Variants in PIK3R6 observed in about 807,000 individuals in gnomAD.
PIK3R6 encodes phosphoinositide-3-kinase regulatory subunit 6, also known as phosphoinositide 3-kinase regulatory subunit 6.
PIK3R6 carries 91 observed loss-of-function variants against 84.9 expected under a neutral mutation model. That is an observed-to-expected ratio of 1.07 (90% confidence interval 0.90 to 1.28). The LOEUF is 1.28. PIK3R6 is among the 50% of genes most tolerant of loss of function. The probability of loss-of-function intolerance (pLI) is 0.00; values close to 1 mark genes in which losing one functional copy is unlikely to be tolerated. For synonymous variants in PIK3R6, 416 were observed against 411.4 expected, an observed-to-expected ratio of 1.01 and a Z score of -0.13; for missense variants, 996 against 985.1, an observed-to-expected ratio of 1.01 and a Z score of -0.15.
rs540450998 is a variant in PIK3R6 at position 8,807,250 on chromosome 17, C to T, written c.1996-3097G>A. 1.4e-4 allele frequency among the ~76,000 whole-genome samples: 21 copies of T among 152,278 alleles called. 1 individual carries two copies. The highest frequency in any genetic ancestry group is 8.3e-4 in the South Asian group (4 of 4,828). On this transcript the variant is annotated intron_variant, in intron 18 of 19. Coordinates refer to ENST00000619866, the MANE Select transcript of PIK3R6 (RefSeq NM_001010855.4). Reference sequence around the variant, plus strand: ...CTCAGAAAGCGTCAGCTTCCAGTTCCGGCTTGAGATCTAGGATGAGGTGGA... The same window carrying T: ...CTCAGAAAGCGTCAGCTTCCAGTTCTGGCTTGAGATCTAGGATGAGGTGGA...
intron 17 of PIK3R6, among the ~76,000 whole-genome samples, chr17:8,819,831 T>C (rs920646931): frequency 3.4e-5 from 5 of 146,232 alleles, no homozygotes; most frequent in South Asian, 2.1e-4. Context: ...TATACGTATA[T>C]ACACACACAT....
At chr17:8,863,937 G>A (rs2089342752) in intron 1 of PIK3R6, among the ~76,000 whole-genome samples, 1 of 152,178 alleles carries the variant, frequency 6.6e-6, no homozygotes, top group Admixed American at 6.5e-5. Context: ...CAGGAAGAAC[G>A]CTCTAAGCAA....
chr17:8,849,503 TTAAA>T (rs2088891201), intron 2 of PIK3R6, among the ~76,000 whole-genome samples: 2 of 152,384 alleles, frequency 1.3e-5, no homozygotes, highest in African/African-American at 4.8e-5. Flanking sequence ...TAGGTTTTTG[TTAAA>T]TAGTCACAAG....
rs374515654 is a variant in PIK3R6 at position 8,838,611 on chromosome 17, C to T, written c.142G>A (p.Gly48Ser). 2.8e-4 allele frequency: 447 copies of T among 1,607,312 alleles called. 2 individuals are homozygous for T. The highest frequency in any genetic ancestry group is 3.4e-4 in the Non-Finnish European group (402 of 1,176,946). ...ATGCGGACCAGCACTGGGCTCTTAC[C>T]GGGATCTCGCTCGACCTTCTTGTGC... ...SLHKKVERDP[G>S]KSPVLVRILL... Residue 48 changes from glycine to serine, a missense_variant, in exon 4 of 20, where the codon GGT becomes AGT. Coordinates refer to ENST00000619866, the MANE Select transcript of PIK3R6 (RefSeq NM_001010855.4).
intron 17 of PIK3R6, among the ~76,000 whole-genome samples, chr17:8,820,466 T>G (rs1024145275): frequency 6.6e-6 from 1 of 151,788 alleles, no homozygotes; most frequent in African/African-American, 2.4e-5. Context: ...TAAGGTCACA[T>G]AGATAGTCAG....
chr17:8,838,561 C>T lies in PIK3R6; in HGVS notation c.189+3G>A, dbSNP rs914322341. ...TCTTCCTCCCTGAGGTCCAGGAACTCACCTTCTCCAGTTCTCTGAGAAGAA... is the reference window on the plus strand; with the variant it reads ...TCTTCCTCCCTGAGGTCCAGGAACTTACCTTCTCCAGTTCTCTGAGAAGAA... On this transcript the variant is annotated splice_donor_region_variant and intron_variant, in intron 4 of 19. Transcript: ENST00000619866. 1 of 1,593,954 alleles carries T rather than the reference C, an allele frequency of 6.3e-7. No individual in the cohort carries two copies. Among genetic ancestry groups the T allele is most frequent in the African/African-American group, 1.3e-5 (1 of 74,536 alleles).
intron 18 of PIK3R6, among the ~76,000 whole-genome samples, chr17:8,808,837 TAGTC>T (rs1183118344): frequency 2.0e-5 from 3 of 152,150 alleles, no homozygotes; most frequent in African/African-American, 7.2e-5. Flanking sequence ...CAACAAGTAA[TAGTC>T]AGGCATGTAG....
intron 17 of PIK3R6, among the ~76,000 whole-genome samples, chr17:8,819,959 T>A (rs865994196): frequency 0.02 from 1,647 of 81,526 alleles, 43 homozygotes; most frequent in African/African-American, 0.086. Context: ...ATATATATTT[T>A]TTTTTTGAGA....
At chr17:8,810,402 G>A (rs764271726) in intron 18 of PIK3R6, among the ~76,000 whole-genome samples, 14 of 147,694 alleles carry the variant, frequency 9.5e-5, no homozygotes, top group Non-Finnish European at 1.5e-4. Context: ...CACTGCTGGC[G>A]CCTCCCAAAT....
chr17:8,859,652 A>AT (rs1721723408), intron 1 of PIK3R6, among the ~76,000 whole-genome samples: 1 of 152,176 alleles, frequency 6.6e-6, no homozygotes, highest in African/African-American at 2.4e-5. Flanking sequence ...GGGAGGAGGA[A>AT]GGGCAGATGT....
At position 8,829,708 on chromosome 17, in the gene PIK3R6, A is replaced by T; in HGVS notation, c.887T>A (p.Leu296His). 1 of 1,552,560 alleles carries T rather than the reference A, an allele frequency of 6.4e-7. No individual in the cohort carries two copies. Among genetic ancestry groups the T allele is most frequent in the Non-Finnish European group, 8.7e-7 (1 of 1,147,624 alleles). The change falls in exon 10 of 20, where the codon CTC (leucine) becomes CAC (histidine). Residue 296 changes from leucine to histidine, a missense_variant and splice_region_variant. Coordinates refer to ENST00000619866, the MANE Select transcript of PIK3R6 (RefSeq NM_001010855.4). ...CAGACAGCTCCATGGGCACGTACAG[A>T]GCTGCTCCTCACCGGTCCACAAGTG... ...TFHLWTGEEQ[L>H]WKELVLFLRP...
chr17:8,839,472 T>G lies in PIK3R6; in HGVS notation c.97+142A>C. ...TTCTCAGTCCTTCAGGCTCTAGGTA[T>G]TTCCAGCAGGAAAGGGGTTTGGTGA... is the stretch of plus-strand genomic sequence containing the variant. On this transcript the variant is annotated intron_variant, in intron 3 of 19. Coordinates refer to ENST00000619866, the MANE Select transcript of PIK3R6 (RefSeq NM_001010855.4). The surrounding 1 kb of genome is among the most constrained non-coding windows in gnomAD (Gnocchi z 4.2). The G allele has an allele frequency of 1.7e-6, 1 of 590,552 alleles. No individual in the cohort carries two copies. Among genetic ancestry groups the G allele is most frequent in the Non-Finnish European group, 2.9e-6 (1 of 339,874 alleles). The allele number at this position is 590,552 out of a possible 1,614,324, so 36.6% of individuals were successfully genotyped here.
chr17:8,840,941 A>G (rs187650613), intron 2 of PIK3R6, among the ~76,000 whole-genome samples: 1,882 of 151,126 alleles, frequency 0.012, 54 homozygotes, highest in African/African-American at 0.043. Flanking sequence ...TTTAGCAGAG[A>G]CGGGATTTCA....
intron 13 of PIK3R6, among the ~76,000 whole-genome samples, chr17:8,826,310 A>G (rs2087914557): frequency 6.6e-6 from 1 of 152,218 alleles, no homozygotes; most frequent in South Asian, 2.1e-4. Flanking sequence ...TCATTCCACT[A>G]TAAAGACACA....
At chr17:8,826,900 C>G (rs2087936239) in intron 13 of PIK3R6, among the ~76,000 whole-genome samples, 1 of 152,156 alleles carries the variant, frequency 6.6e-6, no homozygotes, top group South Asian at 2.1e-4. Context: ...TTTACTTCGT[C>G]TTTTCCACGG....
chr17:8,860,294 G>C (rs567314460), intron 1 of PIK3R6, among the ~76,000 whole-genome samples: 4 of 151,736 alleles, frequency 2.6e-5, no homozygotes, highest in Admixed American at 1.3e-4. Context: ...TGGGGCGGGG[G>C]GCGGTGTGGG....
At chr17:8,832,089 C>T (rs556825230) in intron 9 of PIK3R6, among the ~76,000 whole-genome samples, 1 of 152,324 alleles carries the variant, frequency 6.6e-6, no homozygotes, top group South Asian at 2.1e-4. Context: ...CCTTGGATTA[C>T]TGCAGCTGAG....
In PIK3R6 at chr17:8,822,575, A is replaced by T; in HGVS notation, c.1788+12T>A. 1 of 1,613,856 alleles carries T rather than the reference A, an allele frequency of 6.2e-7. No homozygotes were observed. Among genetic ancestry groups the T allele is most frequent in the Non-Finnish European group, 8.5e-7 (1 of 1,179,768 alleles). On this transcript the variant is annotated intron_variant, in intron 16 of 19. Coordinates refer to ENST00000619866, the MANE Select transcript of PIK3R6 (RefSeq NM_001010855.4). ...TCTTGGCTACCTACTGACCACGTCC[A>T]TGCACACTGACCTTCTGGTAGCATA... is the stretch of plus-strand genomic sequence containing the variant.
At chr17:8,829,258 C>T (rs1406214117) in intron 10 of PIK3R6, among the ~76,000 whole-genome samples, 1 of 143,088 alleles carries the variant, frequency 7.0e-6, no homozygotes, top group African/African-American at 2.8e-5. Context: ...TGCACGCATA[C>T]ACACACAGAC....
Sources: allele counts gnomAD v4.1 joint callset (sites outside exome capture counted in the v4.1 genomes callset), GRCh38; gene constraint gnomAD v4.1.1; non-coding constraint Gnocchi (gnomAD v3.1); transcripts MANE v1.5; gene names NCBI Gene and HGNC (gene_info 2026-07-23, HGNC 2026-07-21).